ABTB3: variants seen among roughly 807,000 people sequenced by gnomAD.
ABTB3 encodes the protein ankyrin repeat- and BTB/POZ domain-containing protein 3.
chr12:107,508,817 A>G, the ABTB3 span, among the ~76,000 whole-genome samples: 1 of 152,122 alleles, frequency 6.6e-6, no homozygotes, highest in Non-Finnish European at 1.5e-5. Flanking sequence ...GAGTTTTATC[A>G]CACCACATGG....
the ABTB3 span, among the ~76,000 whole-genome samples, chr12:107,576,161 C>G: frequency 6.6e-6 from 1 of 152,174 alleles, no homozygotes; most frequent in South Asian, 2.1e-4. Flanking sequence ...CCAGTTGAAG[C>G]CCCTCTACTG....
the ABTB3 span, among the ~76,000 whole-genome samples, chr12:107,437,732 T>C: frequency 6.6e-6 from 1 of 152,190 alleles, no homozygotes; most frequent in Non-Finnish European, 1.5e-5. Flanking sequence ...GCTTTTCTTT[T>C]ACAAAGATAA....
At chr12:107,421,304 C>A in the ABTB3 span, among the ~76,000 whole-genome samples, 1 of 152,184 alleles carries the variant, frequency 6.6e-6, no homozygotes, top group Non-Finnish European at 1.5e-5. Flanking sequence ...AGATCTGTTA[C>A]TAAGTGAAGT....
At chr12:107,432,498 G>A in the ABTB3 span, among the ~76,000 whole-genome samples, 1 of 152,176 alleles carries the variant, frequency 6.6e-6, no homozygotes, top group Non-Finnish European at 1.5e-5. Context: ...GTTTAGAGCT[G>A]GTTCCCAGTG....
At chr12:107,445,907 C>T in the ABTB3 span, among the ~76,000 whole-genome samples, 2 of 143,906 alleles carry the variant, frequency 1.4e-5, no homozygotes, top group East Asian at 4.5e-4. Flanking sequence ...TCCCCTCTCC[C>T]TGTCTTCCCA....
At chr12:107,527,015 C>T in the ABTB3 span, among the ~76,000 whole-genome samples, 1 of 152,092 alleles carries the variant, frequency 6.6e-6, no homozygotes, top group Non-Finnish European at 1.5e-5. Flanking sequence ...ACCTGCTGCT[C>T]CTTATGCCTG....
At chr12:107,464,976 A>ACC in the ABTB3 span, among the ~76,000 whole-genome samples, 2 of 142,376 alleles carry the variant, frequency 1.4e-5, no homozygotes, top group African/African-American at 2.7e-5. Context: ...ACACACACAC[A>ACC]CCCCAGAGAA....
the ABTB3 span, among the ~76,000 whole-genome samples, chr12:107,593,132 T>C: frequency 2.6e-5 from 4 of 152,196 alleles, no homozygotes; most frequent in Non-Finnish European, 5.9e-5. Flanking sequence ...TGTTTAAATA[T>C]TTTACCATAG....
At chr12:107,494,990 G>A in the ABTB3 span, among the ~76,000 whole-genome samples, 2 of 152,218 alleles carry the variant, frequency 1.3e-5, no homozygotes, top group Admixed American at 6.5e-5. Context: ...GTCACTAAGA[G>A]AGCCAGGGAA....
chr12:107,561,109 A>G, the ABTB3 span, among the ~76,000 whole-genome samples: 1 of 152,128 alleles, frequency 6.6e-6, no homozygotes, highest in African/African-American at 2.4e-5. Flanking sequence ...GGTAAATTCA[A>G]ACTTCCCACC....
the ABTB3 span, among the ~76,000 whole-genome samples, chr12:107,638,803 G>A: frequency 6.6e-6 from 1 of 152,190 alleles, no homozygotes; most frequent in African/African-American, 2.4e-5. Flanking sequence ...TTTACAGAAG[G>A]AGAAACTGAG....
chr12:107,505,361 G>A, the ABTB3 span, among the ~76,000 whole-genome samples: 1 of 152,072 alleles, frequency 6.6e-6, no homozygotes, highest in Non-Finnish European at 1.5e-5. Flanking sequence ...TAATTAAGCA[G>A]TGTGATTCTG....
chr12:107,414,487 T>C, the ABTB3 span, among the ~76,000 whole-genome samples: 1 of 152,052 alleles, frequency 6.6e-6, no homozygotes, highest in Non-Finnish European at 1.5e-5. Flanking sequence ...ATAAGCACAA[T>C]CATTTGGAAA....
chr12:107,624,191 T>TG, the ABTB3 span, among the ~76,000 whole-genome samples: 1 of 150,764 alleles, frequency 6.6e-6, no homozygotes, highest in Non-Finnish European at 1.5e-5. Flanking sequence ...GTGTGATCGG[T>TG]GGGGTTTTTT....
chr12:107,498,354 C>T, the ABTB3 span, among the ~76,000 whole-genome samples: 1 of 152,192 alleles, frequency 6.6e-6, no homozygotes, highest in East Asian at 1.9e-4. Context: ...ATGACACCAT[C>T]AGGCCCCCCA....
the ABTB3 span, among the ~76,000 whole-genome samples, chr12:107,541,372 C>T: frequency 6.6e-6 from 1 of 152,254 alleles, no homozygotes. Flanking sequence ...CAGGGGCTAG[C>T]ATCATGTCAG....
the ABTB3 span, among the ~76,000 whole-genome samples, chr12:107,514,401 G>A: frequency 3.3e-5 from 5 of 152,202 alleles, no homozygotes; most frequent in Non-Finnish European, 5.9e-5. Context: ...CAGGGAGACC[G>A]TGACCCTCCA....
the ABTB3 span, among the ~76,000 whole-genome samples, chr12:107,344,990 G>T: frequency 6.6e-6 from 1 of 152,320 alleles, no homozygotes; most frequent in Non-Finnish European, 1.5e-5. Flanking sequence ...TTTATGGCCA[G>T]ACCTTGTTTA....
the ABTB3 span, chr12:107,520,729 G>A: frequency 1.8e-4 from 272 of 1,501,832 alleles, no homozygotes; most frequent in South Asian, 2.9e-4. Context: ...ACCCCTCAGG[G>A]CACTATTTTG....
Sources: allele counts gnomAD v4.1 joint callset (sites outside exome capture counted in the v4.1 genomes callset), GRCh38; gene constraint gnomAD v4.1.1; transcripts MANE v1.5; gene names NCBI Gene and HGNC (gene_info 2026-07-23, HGNC 2026-07-21).